Variants in TMEM178B observed in about 807,000 individuals in gnomAD.
TMEM178B encodes the protein transmembrane protein 178B.
Under a neutral mutation model 31.0 loss-of-function variants are expected in TMEM178B, and 5 were observed. The observed-to-expected ratio is 0.16, with a 90% CI of 0.08 to 0.34. TMEM178B has a LOEUF of 0.34. Among genes scored for constraint, TMEM178B ranks in the 10% least tolerant of loss-of-function variants. TMEM178B has a pLI of 1.00. For synonymous variants in TMEM178B, 164 were observed against 164.0 expected (o/e 1.00, Z 0.00); for missense variants, 275 against 400.3 (o/e 0.69, Z 2.67).
At position 141,478,436 on chromosome 7, in the gene TMEM178B, TC is replaced by T. The variant is rs1295834607; in HGVS notation, c.*7651del. 1 of 152,074 alleles carries T rather than the reference TC, an allele frequency of 6.6e-6. No individual in the cohort carries two copies. The highest frequency in any genetic ancestry group is 1.5e-5 in the Non-Finnish European group (1 of 68,036). 9.4% of individuals were successfully genotyped at this position (152,074 alleles called of 1,614,324 possible). A position where few individuals can be genotyped will look rare whatever the true frequency, so the allele number is the denominator to read the frequency against. ...GAGGCACCTTCAATCCCAACTTTCC[TC>T]TCCTCTGCTGGGTCACAGTGATGGA... On this transcript the variant is annotated 3_prime_UTR_variant, in exon 4 of 4. Coordinates refer to ENST00000565468, the MANE Select transcript of TMEM178B (RefSeq NM_001195278.2).
chr7:141,141,955 G>C (rs887546823), intron 1 of TMEM178B, among the ~76,000 whole-genome samples: 6 of 152,084 alleles, frequency 3.9e-5, no homozygotes, highest in African/African-American at 1.2e-4. Context: ...TTAGATTCAG[G>C]GGGTACATGT....
downstream of TMEM178B, among the ~76,000 whole-genome samples, chr7:141,483,084 C>T (rs1802504908): frequency 6.6e-6 from 1 of 152,148 alleles, no homozygotes; most frequent in Admixed American, 6.5e-5. Context: ...ACCCAAGGTA[C>T]AGCAGGTGAA....
chr7:141,242,868 T>A (rs924857100), intron 2 of TMEM178B, among the ~76,000 whole-genome samples: 2 of 152,110 alleles, frequency 1.3e-5, no homozygotes, highest in South Asian at 4.1e-4. Context: ...AGATTCCAGC[T>A]GCTGTCTCTC....
chr7:141,202,348 T>A (rs1340862592), intron 1 of TMEM178B, among the ~76,000 whole-genome samples: 4 of 60,542 alleles, frequency 6.6e-5, no homozygotes, highest in African/African-American at 2.7e-4. Context: ...GGTAAGGGGG[T>A]CAGAAACATG....
chr7:141,119,476 A>AT (rs1795374517), intron 1 of TMEM178B, among the ~76,000 whole-genome samples: 2 of 152,080 alleles, frequency 1.3e-5, no homozygotes, highest in African/African-American at 4.8e-5. Flanking sequence ...ACTTAGTGTG[A>AT]TTTTACAGCA....
chr7:141,260,498 C>T (rs1235538347), intron 2 of TMEM178B, among the ~76,000 whole-genome samples: 1 of 152,128 alleles, frequency 6.6e-6, no homozygotes, highest in Non-Finnish European at 1.5e-5. Context: ...TTCCAGAAGT[C>T]CCTCCCCATC....
chr7:141,091,000 T>A (rs1346101528), intron 1 of TMEM178B, among the ~76,000 whole-genome samples: 2 of 152,224 alleles, frequency 1.3e-5, no homozygotes, highest in Admixed American at 1.3e-4. Context: ...TATTTTGCTT[T>A]TAGCAGATAA....
At chr7:141,433,092 C>T (rs988086007) in intron 2 of TMEM178B, among the ~76,000 whole-genome samples, 1 of 152,206 alleles carries the variant, frequency 6.6e-6, no homozygotes, top group Non-Finnish European at 1.5e-5. Flanking sequence ...AACTTCAGTA[C>T]AATACCCTGA....
At chr7:141,196,138 C>T (rs1328962676) in intron 1 of TMEM178B, among the ~76,000 whole-genome samples, 1 of 152,144 alleles carries the variant, frequency 6.6e-6, no homozygotes, top group Non-Finnish European at 1.5e-5. Context: ...TCACTATACA[C>T]ACACACACAT....
intron 2 of TMEM178B, among the ~76,000 whole-genome samples, chr7:141,339,538 G>A (rs1362993977): frequency 6.6e-6 from 1 of 152,220 alleles, no homozygotes; most frequent in African/African-American, 2.4e-5. Context: ...ATGAAAATTA[G>A]CAAAGGAGAT....
intron 2 of TMEM178B, among the ~76,000 whole-genome samples, chr7:141,223,831 G>A (rs1046761080): frequency 3.9e-5 from 6 of 152,122 alleles, no homozygotes; most frequent in African/African-American, 9.7e-5. Flanking sequence ...GTAAGTCTGT[G>A]TGATAGCCAC....
chr7:141,163,139 A>G (rs539977815), intron 1 of TMEM178B, among the ~76,000 whole-genome samples: 5 of 152,324 alleles, frequency 3.3e-5, no homozygotes, highest in African/African-American at 9.6e-5. Context: ...GGACTCATTC[A>G]TGCATCTCTA....
At chr7:141,159,070 G>A (rs371779891) in intron 1 of TMEM178B, among the ~76,000 whole-genome samples, 14 of 152,148 alleles carry the variant, frequency 9.2e-5, no homozygotes, top group African/African-American at 3.1e-4. Flanking sequence ...CATGCATCCA[G>A]GGACTCAGCC....
At chr7:141,350,415 T>C (rs1318907039) in intron 2 of TMEM178B, among the ~76,000 whole-genome samples, 1 of 152,198 alleles carries the variant, frequency 6.6e-6, no homozygotes, top group Non-Finnish European at 1.5e-5. Context: ...AGGAGGGACA[T>C]TGTTTTGTTC....
At chr7:141,221,358 G>A (rs772634314) in intron 2 of TMEM178B, among the ~76,000 whole-genome samples, 11 of 152,214 alleles carry the variant, frequency 7.2e-5, no homozygotes, top group Non-Finnish European at 2.9e-5. Context: ...ACTCTGGCTG[G>A]CAGAAACAGC....
Position 141,204,545 on chromosome 7 carries a change from A to G in TMEM178B, c.383-8046A>G, listed in dbSNP as rs137922931. Among the ~76,000 whole-genome samples the G allele has an allele frequency of 6.3e-4, 96 of 152,300 alleles. No homozygotes were observed. In the East Asian group the frequency reaches 7.3e-3, roughly 12 times the overall value. The stretch of plus-strand genomic sequence containing the variant: ...GATGTGGCACAGGACACTGAGGGCA[A>G]TTGCACTAGTTTTGTCCACAAAGAT... On this transcript the variant is annotated intron_variant, in intron 1 of 3. Coordinates refer to ENST00000565468, the MANE Select transcript of TMEM178B (RefSeq NM_001195278.2).
intron 1 of TMEM178B, among the ~76,000 whole-genome samples, chr7:141,110,069 GA>G (rs1316864697): frequency 1.3e-5 from 2 of 152,042 alleles, no homozygotes; most frequent in African/African-American, 4.8e-5. Flanking sequence ...CAATTTATAG[GA>G]AAAAAGGTAC....
intron 2 of TMEM178B, among the ~76,000 whole-genome samples, chr7:141,379,746 G>C (rs766858414): frequency 6.6e-6 from 1 of 152,092 alleles, no homozygotes; most frequent in Admixed American, 6.5e-5. Context: ...CCTTATATCC[G>C]TTTTCCTTCC....
At chr7:141,265,124 T>C (rs1204657052) in intron 2 of TMEM178B, among the ~76,000 whole-genome samples, 1 of 152,236 alleles carries the variant, frequency 6.6e-6, no homozygotes, top group African/African-American at 2.4e-5. Context: ...ATACTCAACC[T>C]GTTACAAGTC....
Sources: gnomAD v4.1 joint callset for allele counts (sites outside exome capture counted in the v4.1 genomes callset) on GRCh38, gnomAD v4.1.1 for gene constraint, MANE v1.5 for transcripts, NCBI Gene and HGNC (gene_info 2026-07-23, HGNC 2026-07-21) for gene names.